Variants in TNFRSF11B observed in about 807,000 individuals in gnomAD.
The protein encoded by TNFRSF11B is tumor necrosis factor receptor superfamily member 11B.
A neutral mutation model predicts 43.4 loss-of-function variants in TNFRSF11B; 16 were observed. The ratio of observed to expected loss-of-function variants is 0.37; its 90% CI spans 0.25 to 0.56. The LOEUF (loss-of-function observed/expected upper bound fraction) is 0.56. Ranked by LOEUF, TNFRSF11B falls within the 20% of genes least tolerant of loss-of-function variation. TNFRSF11B has a pLI of 0.80. For missense variants in TNFRSF11B, 444 were observed against 490.1 expected, an observed-to-expected ratio of 0.91 and a Z score of 0.89; for synonymous variants, 185 against 181.8, an observed-to-expected ratio of 1.02 and a Z score of -0.14.
At chr8:118,926,430 C>A in intron 4 of TNFRSF11B, 64 bp downstream of exon 4, 1 of 1,407,320 alleles carries the variant, frequency 7.1e-7, no homozygotes, top group Non-Finnish European at 1.0e-6. Context: ...CAGTCTTGTT[C>A]CTGGTTTATG....
chr8:118,945,690 T>C (rs1474533624), intron 1 of TNFRSF11B, among the ~76,000 whole-genome samples: 2 of 152,124 alleles, frequency 1.3e-5, no homozygotes, highest in African/African-American at 2.4e-5. Flanking sequence ...GATATTCATA[T>C]TTCTAAGAAT....
intron 4 of TNFRSF11B, 79 bp downstream of exon 4, chr8:118,926,415 A>G: frequency 7.8e-7 from 1 of 1,274,568 alleles, no homozygotes; most frequent in Middle Eastern, 2.0e-4. Flanking sequence ...AACTAAACAT[A>G]CATGCAGTCT....
At chr8:118,947,914 T>A (rs1812590522) in intron 1 of TNFRSF11B, among the ~76,000 whole-genome samples, 1 of 152,206 alleles carries the variant, frequency 6.6e-6, no homozygotes, top group Non-Finnish European at 1.5e-5. Context: ...CACTACTTCT[T>A]TAAGTCTTCA....
chr8:118,930,909 T>G (rs555758717), intron 2 of TNFRSF11B: 1 of 241,596 alleles, frequency 4.1e-6, no homozygotes, highest in Non-Finnish European at 8.9e-6. Context: ...TTCCTGAACA[T>G]GAACATGACT....
In TNFRSF11B at chr8:118,932,986, T is replaced by C. The variant is rs1278068455; in HGVS notation, c.345A>G (p.Ile115Met). ...AGCTCCTATGTTTCAAGCAGAACTC[T>C]ATCTCAAGGTAGCGCCCTTCCTTGC... ...CECKEGRYLE[I>M]EFCLKHRSCP... is the part of the protein sequence containing the mutation. The change falls in exon 2 of 5, where the codon ATA becomes ATG. Residue 115 changes from isoleucine to methionine, a missense_variant. Physicochemically the swap from Ile to Met is conservative, Grantham distance 10. Coordinates refer to ENST00000297350, the MANE Select transcript of TNFRSF11B (RefSeq NM_002546.4). The C allele has an allele frequency of 6.2e-7, 1 of 1,614,188 alleles. No homozygotes were observed. The highest frequency in any genetic ancestry group is 2.2e-5 in the East Asian group (1 of 44,860).
At chr8:118,951,735 C>T in intron 1 of TNFRSF11B, 57 bp downstream of exon 1, 1 of 1,524,196 alleles carries the variant, frequency 6.6e-7, no homozygotes. Flanking sequence ...GTTGGGAGAC[C>T]AGGTGGCAGC....
chr8:118,944,536 C>T (rs1433792812), intron 1 of TNFRSF11B, among the ~76,000 whole-genome samples: 1 of 152,154 alleles, frequency 6.6e-6, no homozygotes, highest in Non-Finnish European at 1.5e-5. Context: ...GCAAAGAGCA[C>T]AAACAAGTAC....
chr8:118,946,101 A>G (rs1045524122), intron 1 of TNFRSF11B, among the ~76,000 whole-genome samples: 2 of 152,180 alleles, frequency 1.3e-5, no homozygotes, highest in Admixed American at 1.3e-4. Flanking sequence ...GAAGGGCTTT[A>G]GGAATTACAT....
chr8:118,933,726 A>G (rs763202916), intron 1 of TNFRSF11B, among the ~76,000 whole-genome samples: 43 of 152,140 alleles, frequency 2.8e-4, no homozygotes, highest in Non-Finnish European at 5.7e-4. Context: ...ATCCTTAAGT[A>G]TTCTTATTCC....
In TNFRSF11B at chr8:118,933,163, T is replaced by C; in HGVS notation, c.168A>G (p.Ala56=). Residue 56 remains alanine (A), a synonymous_variant, in exon 2 of 5, where the codon GCA becomes GCG. Transcript: ENST00000297350. ...AAGGGGCGCACACGGTCTTCCACTT[T>C]GCTGTACAGTGTTGTTTTAGGTAGG... The part of the protein sequence containing the change: ...PGTYLKQHCT[A]KWKTVCAPCP... 6.2e-7 allele frequency: 1 copy of C among 1,614,196 alleles called. No individual in the cohort carries two copies. The highest frequency in any genetic ancestry group is 1.1e-5 in the South Asian group (1 of 91,076).
intron 1 of TNFRSF11B, among the ~76,000 whole-genome samples, chr8:118,942,434 C>T (rs1238295847): frequency 2.6e-5 from 4 of 151,828 alleles, no homozygotes; most frequent in Middle Eastern, 3.4e-3. Context: ...AAATTAGATA[C>T]GAAAAGCCAT....
At chr8:118,951,182 A>G (rs2129933622) in intron 1 of TNFRSF11B, among the ~76,000 whole-genome samples, 1 of 152,310 alleles carries the variant, frequency 6.6e-6, no homozygotes, top group East Asian at 1.9e-4. Flanking sequence ...AATATTCTCC[A>G]CAGTATATTG....
intron 1 of TNFRSF11B, among the ~76,000 whole-genome samples, chr8:118,945,940 G>A (rs1244444188): frequency 6.6e-6 from 1 of 152,006 alleles, no homozygotes; most frequent in African/African-American, 2.4e-5. Context: ...AAATCTTAAA[G>A]CTATTCATTT....
At chr8:118,935,369 C>A (rs1812388237) in intron 1 of TNFRSF11B, among the ~76,000 whole-genome samples, 1 of 152,180 alleles carries the variant, frequency 6.6e-6, no homozygotes, top group South Asian at 2.1e-4. Flanking sequence ...ATGGAGGGAA[C>A]TTAGCATGTG....
rs1281871776 is a variant in TNFRSF11B at position 118,933,188 on chromosome 8, G to A, written c.143C>T (p.Thr48Ile). ...TGCTGTACAGTGTTGTTTTAGGTAG[G>A]TACCAGGAGGACATTTGTCACACAA... is the stretch of plus-strand genomic sequence containing the variant. ...QLLCDKCPPG[T>I]YLKQHCTAKW... is the part of the protein sequence containing the mutation. The change falls in exon 2 of 5, where the codon ACC becomes ATC. Residue 48 changes from threonine to isoleucine, a missense_variant. Thr to Ile is a moderately conservative substitution (Grantham distance 89). Coordinates refer to ENST00000297350, the MANE Select transcript of TNFRSF11B (RefSeq NM_002546.4). 6.2e-7 allele frequency: 1 copy of A among 1,614,146 alleles called. No individual in the cohort carries two copies.
At chr8:118,938,130 G>A (rs1481030586) in intron 1 of TNFRSF11B, among the ~76,000 whole-genome samples, 2 of 151,950 alleles carry the variant, frequency 1.3e-5, no homozygotes, top group African/African-American at 4.8e-5. Context: ...TTTGAACATG[G>A]AATTTTATTT....
intron 1 of TNFRSF11B, among the ~76,000 whole-genome samples, chr8:118,944,864 G>A (rs1008927701): frequency 1.3e-5 from 2 of 152,096 alleles, no homozygotes; most frequent in African/African-American, 4.8e-5. Context: ...TAAGGAGACT[G>A]CAAGTGACCA....
chr8:118,935,710 T>G, intron 1 of TNFRSF11B, among the ~76,000 whole-genome samples: 1 of 152,196 alleles, frequency 6.6e-6, no homozygotes, highest in South Asian at 2.1e-4. Context: ...GTGAAAGTAA[T>G]GAGAAATACT....
chr8:118,937,704 A>C (rs1198710795), intron 1 of TNFRSF11B, among the ~76,000 whole-genome samples: 1 of 152,224 alleles, frequency 6.6e-6, no homozygotes, highest in African/African-American at 2.4e-5. Context: ...AAAACAACCT[A>C]CTGCAGAATT....
Sources: gnomAD v4.1 joint callset for allele counts (sites outside exome capture counted in the v4.1 genomes callset) on GRCh38, gnomAD v4.1.1 for gene constraint, MANE v1.5 for transcripts, NCBI Gene and HGNC (gene_info 2026-07-23, HGNC 2026-07-21) for gene names.